Variants in PACS2 observed in about 807,000 individuals in gnomAD.
PACS2 encodes the protein phosphofurin acidic cluster sorting protein 2.
Under a neutral mutation model 113.0 loss-of-function variants are expected in PACS2, and 36 were observed. That is an observed-to-expected ratio of 0.32 (90% confidence interval 0.24 to 0.42). The LOEUF (loss-of-function observed/expected upper bound fraction) is 0.42, where lower values mean the gene tolerates loss of function less well. Ranked by LOEUF, PACS2 falls within the 10% of genes least tolerant of loss-of-function variation. PACS2 has a pLI of 1.00. For missense variants in PACS2, 1,015 were observed against 1,239.5 expected (o/e 0.82, Z 2.72); for synonymous variants, 589 against 536.1 (o/e 1.10, Z -1.36).
chr14:105,378,210 C>G lies in PACS2; in HGVS notation c.959+1285C>G, dbSNP rs587598345. ...AGGAGACATCTTTGTGGCCCAGATC[C>G]TCTCCCATCTTAAACTCCGTGGTGT... On this transcript the variant is annotated intron_variant, in intron 9 of 24. Coordinates refer to ENST00000447393, the MANE Select transcript of PACS2 (RefSeq NM_001100913.3). Among the ~76,000 whole-genome samples, 4 of 152,310 alleles carry G rather than the reference C, an allele frequency of 2.6e-5. No individual in the cohort carries two copies. The East Asian group carries it at 7.7e-4, about 29-fold the overall frequency.
rs781875246 is a variant in PACS2 at position 105,352,340 on chromosome 14, CAGTCCTTTG to C, written c.208-35_208-27del. ...CTTTGCCTGGTTTCCTGCTGATATG[CAGTCCTTTG>C]AGCTAGAACAGGTCTTGCTTAATCA... On this transcript the variant is annotated intron_variant, in intron 2 of 24. Coordinates refer to ENST00000447393, the MANE Select transcript of PACS2 (RefSeq NM_001100913.3). 2.3e-6 allele frequency: 3 copies of C among 1,317,842 alleles called. No homozygotes were observed. In the South Asian group the frequency reaches 3.5e-5, roughly 15 times the overall value. The allele number at this position is 1,317,842 out of a possible 1,614,324, so 81.6% of individuals were successfully genotyped here.
At chr14:105,341,327 GAC>G (rs1555401543) in intron 1 of PACS2, among the ~76,000 whole-genome samples, 1 of 152,252 alleles carries the variant, frequency 6.6e-6, no homozygotes, top group African/African-American at 2.4e-5. Flanking sequence ...ATTTCGAGCA[GAC>G]ACAATGAAAG....
intron 1 of PACS2, among the ~76,000 whole-genome samples, chr14:105,345,280 G>T (rs138025258): frequency 6.6e-6 from 1 of 150,704 alleles, no homozygotes; most frequent in Non-Finnish European, 1.5e-5. Context: ...GATGTCGGGC[G>T]CCTGTAGTCC....
chr14:105,323,303 A>G lies in PACS2; in HGVS notation c.119+8266A>G, dbSNP rs982795229. On this transcript the variant is annotated intron_variant, in intron 1 of 24. Transcript: ENST00000447393. The surrounding 1 kb of genome is among the most constrained non-coding windows in gnomAD (Gnocchi z 4.1). ...TGTTGCTCTTCCTGCCGGATCCTCC[A>G]CATCCATAGATGCACTGGGTGGTGT... is the stretch of plus-strand genomic sequence containing the variant. Among the ~76,000 whole-genome samples, 2 of 152,128 alleles carry G rather than the reference A, an allele frequency of 1.3e-5. No homozygotes were observed. Among genetic ancestry groups the G allele is most frequent in the African/African-American group, 4.8e-5 (2 of 41,430 alleles).
At chr14:105,344,892 G>A (rs2059862277) in intron 1 of PACS2, among the ~76,000 whole-genome samples, 1 of 151,998 alleles carries the variant, frequency 6.6e-6, no homozygotes, top group African/African-American at 2.4e-5. Context: ...TGGATCACCT[G>A]AGGTCAGGAG....
chr14:105,355,447 T>G lies in PACS2; in HGVS notation c.423+270T>G, dbSNP rs587703966. 1.3e-5 allele frequency among the ~76,000 whole-genome samples: 2 copies of G among 152,226 alleles called. No homozygotes were observed. The highest frequency in any genetic ancestry group is 2.4e-5 in the African/African-American group (1 of 41,472). On this transcript the variant is annotated intron_variant, in intron 4 of 24. Transcript: ENST00000447393. This position sits in a 1 kb window ranked among gnomAD's most constrained non-coding sequence, Gnocchi z 4.1. ...CCCTCTAACGAGCCTGTCCTGCCCT[T>G]CAGTGGAGGCTGGGTTTTGGGTCAG...
At chr14:105,378,072 C>T (rs587708373) in intron 9 of PACS2, among the ~76,000 whole-genome samples, 1 of 152,358 alleles carries the variant, frequency 6.6e-6, no homozygotes, top group South Asian at 2.1e-4. Flanking sequence ...TCGGAACCAG[C>T]AAGGCCCAGT....
At chr14:105,393,585 T>C (rs1320857619) in intron 24 of PACS2, 7 of 442,760 alleles carry the variant, frequency 1.6e-5, no homozygotes, top group Non-Finnish European at 2.8e-5. Context: ...TGTTTGTTTT[T>C]TGTTTTGGTT....
At chr14:105,375,355 G>A (rs890779679) in intron 8 of PACS2, among the ~76,000 whole-genome samples, 10 of 151,962 alleles carry the variant, frequency 6.6e-5, no homozygotes, top group Admixed American at 3.9e-4. Flanking sequence ...ATGGGCGCCT[G>A]TAGTCCCAGC....
intron 14 of PACS2, 47 bp from the exon 15 acceptor site, chr14:105,382,760 G>A: frequency 8.1e-7 from 1 of 1,233,438 alleles, no homozygotes; most frequent in Non-Finnish European, 1.2e-6. Context: ...TGCTGGGGGT[G>A]GCCTGGGCGG....
chr14:105,363,800 C>G (rs1408210589), intron 4 of PACS2, among the ~76,000 whole-genome samples: 1 of 151,996 alleles, frequency 6.6e-6, no homozygotes, highest in Non-Finnish European at 1.5e-5. Flanking sequence ...CTTCACTAAA[C>G]TCAGTCATTT....
chr14:105,392,445 G>A, intron 22 of PACS2, 174 bp from the exon 23 acceptor site: 1 of 612,986 alleles, frequency 1.6e-6, no homozygotes, highest in East Asian at 2.8e-5. Flanking sequence ...CCCTTGTGGG[G>A]GTGACTGGGC....
chr14:105,307,276 A>C (rs1413350855), intron 1 of PACS2, among the ~76,000 whole-genome samples: 1 of 152,066 alleles, frequency 6.6e-6, no homozygotes, highest in Non-Finnish European at 1.5e-5. Context: ...AGGCTCCTGC[A>C]TTCCTGAACA....
Position 105,380,957 on chromosome 14 carries a change from G to C in PACS2, c.1126G>C (p.Gly376Arg), listed in dbSNP as rs782055140. 1 of 1,609,740 alleles carries C rather than the reference G, an allele frequency of 6.2e-7. No homozygotes were observed. The stretch of plus-strand genomic sequence containing the variant: ...CTCCAGGCCCGTCTCTGCTCAGCAG[G>C]GTGTGCCAGGCCCGAGGGAGCACCC... Reference protein sequence around the residue: ...SDSVSDTVALGVPGPREHPGQ... With the variant: ...SDSVSDTVALRVPGPREHPGQ... The change falls in exon 12 of 25, where the codon GGT (glycine) becomes CGT (arginine). Residue 376 changes from glycine (G) to arginine (R), a missense_variant and splice_region_variant. Physicochemically the swap from Gly to Arg is moderately radical, Grantham distance 125 (BLOSUM62 -2). Coordinates refer to ENST00000447393, the MANE Select transcript of PACS2 (RefSeq NM_001100913.3).
At position 105,395,871 on chromosome 14, in the gene PACS2, G is replaced by C. The variant is rs2081514628; in HGVS notation, c.*1199G>C. ...CTTCTCCCCAGTAAGCCTGCACTGT[G>C]GGGTCTCCATAGGAGGAGCTGGGGA... is the stretch of plus-strand genomic sequence containing the variant. On this transcript the variant is annotated 3_prime_UTR_variant, in exon 25 of 25. Coordinates refer to ENST00000447393, the MANE Select transcript of PACS2 (RefSeq NM_001100913.3). 6.6e-6 allele frequency: 1 copy of C among 152,350 alleles called. No individual in the cohort carries two copies. The highest frequency in any genetic ancestry group is 6.5e-5 in the Admixed American group (1 of 15,284). 9.4% of individuals were successfully genotyped at this position (152,350 alleles called of 1,614,324 possible). A position where few individuals can be genotyped will look rare whatever the true frequency, so the allele number is the denominator to read the frequency against.
intron 2 of PACS2, among the ~76,000 whole-genome samples, chr14:105,351,892 C>T (rs2060194290): frequency 6.6e-6 from 1 of 152,170 alleles, no homozygotes; most frequent in African/African-American, 2.4e-5. Context: ...CATGGAGGCA[C>T]ATGCCTGTAA....
At chr14:105,306,688 C>G (rs1300191419) in intron 1 of PACS2, among the ~76,000 whole-genome samples, 1 of 152,120 alleles carries the variant, frequency 6.6e-6, no homozygotes, top group Non-Finnish European at 1.5e-5. Context: ...GTACCGCAAT[C>G]TCTACCTCCC....
chr14:105,322,635 AG>A (rs2058943195), intron 1 of PACS2, among the ~76,000 whole-genome samples: 1 of 152,218 alleles, frequency 6.6e-6, no homozygotes, highest in Non-Finnish European at 1.5e-5. Context: ...CAGGGACCTT[AG>A]CCCACTTTAT....
At position 105,383,614 on chromosome 14, in the gene PACS2, G is replaced by T. The variant is rs76662877; in HGVS notation, c.1780+101G>T. ...GTGGCGTGGCGTGTTGTGTGGCGTG[G>T]CGTGGCGCGGTGTGTCGTGGTGTGG... On this transcript the variant is annotated intron_variant, in intron 16 of 24. Transcript: ENST00000447393. The T allele has an allele frequency of 3.8e-3, 4,458 of 1,174,634 alleles. 164 individuals carry two copies. In the African/African-American group the frequency reaches 0.063, roughly 17 times the overall value. 72.8% of individuals were successfully genotyped at this position (1,174,634 alleles called of 1,614,324 possible). A position where few individuals can be genotyped will look rare whatever the true frequency, so the allele number is the denominator to read the frequency against.
Sources: allele counts gnomAD v4.1 joint callset (sites outside exome capture counted in the v4.1 genomes callset), GRCh38; gene constraint gnomAD v4.1.1; non-coding constraint Gnocchi (gnomAD v3.1); transcripts MANE v1.5; gene names NCBI Gene and HGNC (gene_info 2026-07-23, HGNC 2026-07-21).